CNTN4: variants seen among roughly 807,000 people sequenced by gnomAD.
The protein encoded by CNTN4 is contactin 4.
A neutral mutation model predicts 122.5 loss-of-function variants in CNTN4; 77 were observed. The ratio of observed to expected loss-of-function variants is 0.63; its 90% CI spans 0.52 to 0.76. CNTN4 has a LOEUF of 0.76. CNTN4 is among the 30% of genes least tolerant of loss of function. The pLI, the probability that CNTN4 is intolerant of heterozygous loss-of-function variation, is 0.00. For synonymous variants in CNTN4, 512 were observed against 447.0 expected (o/e 1.15, Z -1.83); for missense variants, 1,256 against 1,259.1 (o/e 1.00, Z 0.04).
At chr3:2,964,706 G>A (rs1192120416) in intron 13 of CNTN4, among the ~76,000 whole-genome samples, 3 of 152,164 alleles carry the variant, frequency 2.0e-5, no homozygotes, top group Non-Finnish European at 4.4e-5. Context: ...GTAGCACTTT[G>A]TAGTTTTCAA....
rs553713097 is a variant in CNTN4, at chr3:2,239,276, C to T, written c.-144-99902C>T. Among the ~76,000 whole-genome samples the T allele has an allele frequency of 3.0e-4, 46 of 152,180 alleles. 1 individual carries two copies. Among genetic ancestry groups the T allele is most frequent in the Non-Finnish European group, 3.5e-4 (24 of 68,008 alleles). Reference sequence around the variant, plus strand: ...GTGGCATTACAGAGTTTGATTTATGCGGACGATCCTTGGACTTAAAAAGGA... The same window carrying T: ...GTGGCATTACAGAGTTTGATTTATGTGGACGATCCTTGGACTTAAAAAGGA... On this transcript the variant is annotated intron_variant, in intron 2 of 24. Coordinates refer to ENST00000418658, the MANE Select transcript of CNTN4 (RefSeq NM_175607.3).
chr3:2,980,194 G>A (rs892044495), intron 13 of CNTN4, among the ~76,000 whole-genome samples: 1 of 152,164 alleles, frequency 6.6e-6, no homozygotes, highest in Non-Finnish European at 1.5e-5. Flanking sequence ...GACAGTGAGG[G>A]AACAACTGCT....
At chr3:2,944,546 C>T (rs62232841) in intron 13 of CNTN4, among the ~76,000 whole-genome samples, 1 of 152,072 alleles carries the variant, frequency 6.6e-6, no homozygotes, top group Non-Finnish European at 1.5e-5. Flanking sequence ...TTTTGCTCTC[C>T]TTGAATACTA....
chr3:2,116,745 G>A (rs568842654), intron 2 of CNTN4, among the ~76,000 whole-genome samples: 1 of 152,202 alleles, frequency 6.6e-6, no homozygotes, highest in African/African-American at 2.4e-5. Flanking sequence ...GAACAATCTT[G>A]CTTCTCTATC....
intron 4 of CNTN4, among the ~76,000 whole-genome samples, chr3:2,705,413 G>C (rs1277530699): frequency 8.0e-6 from 1 of 124,372 alleles, no homozygotes; most frequent in African/African-American, 3.1e-5. Context: ...GCACAGCCAG[G>C]TGTACATTTG....
chr3:2,133,279 A>G (rs1218405352), intron 2 of CNTN4, among the ~76,000 whole-genome samples: 1 of 152,196 alleles, frequency 6.6e-6, no homozygotes, highest in Admixed American at 6.5e-5. Context: ...TTTAGAATCA[A>G]AGGGCATTTT....
intron 4 of CNTN4, among the ~76,000 whole-genome samples, chr3:2,723,979 C>T (rs1435758952): frequency 6.6e-6 from 1 of 152,094 alleles, no homozygotes; most frequent in Non-Finnish European, 1.5e-5. Flanking sequence ...GAACCAGCCC[C>T]CAATAACCAT....
chr3:2,629,476 G>C, intron 4 of CNTN4: 1 of 395,918 alleles, frequency 2.5e-6, no homozygotes, highest in South Asian at 1.8e-5. Context: ...TTCTGAATTT[G>C]ATTTTCTATT....
chr3:2,448,163 A>C (rs1456955383), intron 3 of CNTN4, among the ~76,000 whole-genome samples: 1 of 152,202 alleles, frequency 6.6e-6, no homozygotes, highest in Non-Finnish European at 1.5e-5. Flanking sequence ...GAGCGTAGCC[A>C]AGCCCAGAGC....
intron 2 of CNTN4, among the ~76,000 whole-genome samples, chr3:2,177,266 TCAA>T (rs959669694): frequency 2.6e-5 from 4 of 152,182 alleles, no homozygotes; most frequent in African/African-American, 9.6e-5. Context: ...AGGATGGAAT[TCAA>T]CATTTTCAAT....
intron 3 of CNTN4, among the ~76,000 whole-genome samples, chr3:2,503,877 A>T (rs1010512189): frequency 6.6e-6 from 1 of 152,126 alleles, no homozygotes; most frequent in Admixed American, 6.6e-5. Context: ...CTCTGTAAGA[A>T]CTGGCCATAT....
intron 6 of CNTN4, among the ~76,000 whole-genome samples, chr3:2,750,922 C>T (rs1392932715): frequency 1.3e-5 from 2 of 152,150 alleles, no homozygotes; most frequent in Non-Finnish European, 2.9e-5. Flanking sequence ...CAAGCATTCT[C>T]ACCTTGAGGT....
chr3:2,771,172 A>T (rs1216738527), intron 6 of CNTN4, among the ~76,000 whole-genome samples: 1 of 152,198 alleles, frequency 6.6e-6, no homozygotes, highest in Non-Finnish European at 1.5e-5. Context: ...CATGGGAGAT[A>T]GGCATGCCAC....
intron 7 of CNTN4, among the ~76,000 whole-genome samples, chr3:2,860,452 C>T (rs528850838): frequency 6.6e-6 from 1 of 152,278 alleles, no homozygotes; most frequent in South Asian, 2.1e-4. Flanking sequence ...TGCTTGGGAC[C>T]TGTCTAAACC....
In CNTN4 at chr3:2,192,823, TA is replaced by T. The variant is rs532041291; in HGVS notation, c.-145+92192del. On this transcript the variant is annotated intron_variant, in intron 2 of 24. Transcript: ENST00000418658. Reference sequence around the variant, plus strand: ...AAACCACTATTAGCTCCCCACTATTTAAAAAAAATAAATAATGAGGTCAAAC... The same window carrying T: ...AAACCACTATTAGCTCCCCACTATTTAAAAAAATAAATAATGAGGTCAAAC... 2.9e-3 allele frequency among the ~76,000 whole-genome samples: 440 copies of T among 152,038 alleles called. 1 individual carries two copies. The highest frequency in any genetic ancestry group is 5.3e-3 in the Non-Finnish European group (359 of 67,950).
At chr3:2,444,962 T>G (rs1370354313) in intron 3 of CNTN4, among the ~76,000 whole-genome samples, 1 of 151,698 alleles carries the variant, frequency 6.6e-6, no homozygotes, top group Admixed American at 6.6e-5. Context: ...CTCACATGCC[T>G]GAAATGCCGC....
At chr3:2,975,551 T>G (rs983215975) in intron 13 of CNTN4, among the ~76,000 whole-genome samples, 1 of 152,228 alleles carries the variant, frequency 6.6e-6, no homozygotes. Context: ...CTTAATAAAC[T>G]TCTTAAGCAT....
intron 7 of CNTN4, among the ~76,000 whole-genome samples, chr3:2,834,898 C>CTTTTTTTTTTTTTTTCTTT (rs2093185294): frequency 1.7e-5 from 1 of 60,450 alleles, no homozygotes; most frequent in African/African-American, 7.5e-5. Context: ...TAAAGGCAAC[C>CTTTTTTTTTTTTTTTCTTT]TTTTTTTTTT....
At chr3:2,214,976 A>C (rs372406098) in intron 2 of CNTN4, among the ~76,000 whole-genome samples, 2 of 152,242 alleles carry the variant, frequency 1.3e-5, no homozygotes, top group Non-Finnish European at 2.9e-5. Context: ...AGTTGATACC[A>C]ATTCATATCC....
Sources: gnomAD v4.1 joint callset for allele counts (sites outside exome capture counted in the v4.1 genomes callset) on GRCh38, gnomAD v4.1.1 for gene constraint, MANE v1.5 for transcripts, NCBI Gene and HGNC (gene_info 2026-07-23, HGNC 2026-07-21) for gene names.